AOAH: variants seen among roughly 807,000 people sequenced by gnomAD.
The protein encoded by AOAH is acyloxyacyl hydrolase (neutrophil).
Under a neutral mutation model 92.2 loss-of-function variants are expected in AOAH, and 64 were observed. The observed-to-expected ratio is 0.69, with a 90% CI of 0.57 to 0.86. AOAH has a LOEUF of 0.86. Ranked by LOEUF, AOAH falls within the 40% of genes least tolerant of loss-of-function variation. The pLI, the probability that AOAH is intolerant of heterozygous loss-of-function variation, is 0.00. For synonymous variants in AOAH, 263 were observed against 254.5 expected (o/e 1.03, Z -0.32); for missense variants, 656 against 694.6 (o/e 0.94, Z 0.62).
chr7:36,558,452 AG>A (rs1413928760), intron 13 of AOAH, among the ~76,000 whole-genome samples: 2 of 152,216 alleles, frequency 1.3e-5, no homozygotes, highest in African/African-American at 4.8e-5. Context: ...GACCTACTTG[AG>A]GAGGCAGTCT....
At chr7:36,681,890 T>C (rs895805878) in intron 2 of AOAH, among the ~76,000 whole-genome samples, 1 of 151,936 alleles carries the variant, frequency 6.6e-6, no homozygotes, top group African/African-American at 2.4e-5. Context: ...GGTATATCCA[T>C]GAACCCCAAT....
chr7:36,537,361 G>C (rs1049347149), intron 16 of AOAH, among the ~76,000 whole-genome samples: 37 of 151,886 alleles, frequency 2.4e-4, no homozygotes, highest in Admixed American at 1.9e-3. Flanking sequence ...GTCCACTTGA[G>C]AAGGACAAGG....
intron 1 of AOAH, among the ~76,000 whole-genome samples, chr7:36,711,748 T>C (rs555183484): frequency 7.9e-4 from 121 of 152,224 alleles, no homozygotes; most frequent in Middle Eastern, 6.8e-3. Flanking sequence ...GCCTGGCCCA[T>C]GAGGGTGGAA....
At chr7:36,627,948 G>A (rs1792791598) in intron 6 of AOAH, among the ~76,000 whole-genome samples, 3 of 152,136 alleles carry the variant, frequency 2.0e-5, no homozygotes, top group South Asian at 4.2e-4. Flanking sequence ...TGGTGAGAAT[G>A]AATCTCCATG....
At chr7:36,705,602 T>C (rs983298829) in intron 1 of AOAH, among the ~76,000 whole-genome samples, 3 of 152,018 alleles carry the variant, frequency 2.0e-5, no homozygotes, top group Non-Finnish European at 4.4e-5. Flanking sequence ...CAAGCTACCA[T>C]TGACTTTCTT....
At chr7:36,656,890 T>G (rs56055051) in intron 4 of AOAH, among the ~76,000 whole-genome samples, 1 of 149,104 alleles carries the variant, frequency 6.7e-6, no homozygotes. Flanking sequence ...TGGGGGGTGT[T>G]GGCAGTACCA....
At chr7:36,625,771 G>A (rs1324236938) in intron 6 of AOAH, among the ~76,000 whole-genome samples, 2 of 152,142 alleles carry the variant, frequency 1.3e-5, no homozygotes, top group African/African-American at 4.8e-5. Context: ...GGAGCGGAGG[G>A]GAATGAAGCT....
At chr7:36,676,645 C>T (rs1394445442) in intron 2 of AOAH, among the ~76,000 whole-genome samples, 1 of 152,092 alleles carries the variant, frequency 6.6e-6, no homozygotes, top group Admixed American at 6.5e-5. Flanking sequence ...ACTCAGAACA[C>T]CAAAACAATA....
At position 36,570,268 on chromosome 7, in the gene AOAH, G is replaced by A. The variant is rs189287591; in HGVS notation, c.1021+6306C>T. Reference sequence around the variant, plus strand: ...ATGTAAGTGGAATCCGGCAGTATTCGTCCTTCTGTGACTGGCTTATTTCAC... The same window carrying A: ...ATGTAAGTGGAATCCGGCAGTATTCATCCTTCTGTGACTGGCTTATTTCAC... On this transcript the variant is annotated intron_variant, in intron 13 of 20. Transcript: ENST00000617537. Among the ~76,000 whole-genome samples the A allele has an allele frequency of 1.5e-3, 222 of 152,234 alleles. 1 individual carries two copies. Among genetic ancestry groups the A allele is most frequent in the African/African-American group, 4.9e-3 (205 of 41,546 alleles).
At chr7:36,619,172 C>G (rs190427946) in intron 9 of AOAH, among the ~76,000 whole-genome samples, 1 of 152,172 alleles carries the variant, frequency 6.6e-6, no homozygotes, top group Non-Finnish European at 1.5e-5. Context: ...CATGAAAGAA[C>G]CTATTAACAT....
At chr7:36,634,255 A>G (rs1793360551) in intron 5 of AOAH, among the ~76,000 whole-genome samples, 1 of 152,194 alleles carries the variant, frequency 6.6e-6, no homozygotes, top group East Asian at 1.9e-4. Context: ...TCGAAGGCAG[A>G]AATGAAATCC....
At chr7:36,513,495 C>T (rs960061487) in intron 20 of AOAH, 115 bp from the exon 21 acceptor site, 1 of 991,812 alleles carries the variant, frequency 1.0e-6, no homozygotes, top group Admixed American at 2.4e-5. Context: ...CCCATGACTC[C>T]CACCCCCATG....
intron 13 of AOAH, among the ~76,000 whole-genome samples, chr7:36,554,302 G>A (rs1295568061): frequency 8.5e-5 from 13 of 152,078 alleles, no homozygotes; most frequent in Admixed American, 3.3e-4. Context: ...GTAGATATGC[G>A]GTGTTATTTC....
At chr7:36,695,628 C>T (rs947505471) in intron 1 of AOAH, among the ~76,000 whole-genome samples, 1 of 152,130 alleles carries the variant, frequency 6.6e-6, no homozygotes, top group South Asian at 2.1e-4. Context: ...TTATATTCTC[C>T]TAAGTGCCAC....
intron 1 of AOAH, among the ~76,000 whole-genome samples, chr7:36,692,232 G>A (rs1562702532): frequency 6.6e-6 from 1 of 152,148 alleles, no homozygotes; most frequent in Non-Finnish European, 1.5e-5. Context: ...GCAAACATTA[G>A]TTCCTCTCCC....
chr7:36,666,496 C>T (rs2116591578), intron 3 of AOAH, among the ~76,000 whole-genome samples: 1 of 152,028 alleles, frequency 6.6e-6, no homozygotes, highest in Non-Finnish European at 1.5e-5. Flanking sequence ...AAAAATCTAG[C>T]TTTTGGTTTA....
chr7:36,527,850 C>A (rs559520050), intron 19 of AOAH, among the ~76,000 whole-genome samples: 1 of 152,202 alleles, frequency 6.6e-6, no homozygotes, highest in Non-Finnish European at 1.5e-5. Context: ...TGCCCAGGCA[C>A]GGGTGGTTAC....
Position 36,664,940 on chromosome 7 carries a change from C to T in AOAH, c.291-5675G>A, listed in dbSNP as rs73344037. ...AAAGTACCACACTCTTTTCAACAAA[C>T]AAATCTCATGTGAACTCAGAGCACG... On this transcript the variant is annotated intron_variant, in intron 3 of 20. Transcript: ENST00000617537. Among the ~76,000 whole-genome samples, 1,222 of 152,264 alleles carry T rather than the reference C, an allele frequency of 8.0e-3. 17 individuals carry two copies. Among genetic ancestry groups the T allele is most frequent in the African/African-American group, 0.028 (1,162 of 41,536 alleles).
chr7:36,650,650 A>T (rs1057471560), intron 4 of AOAH, among the ~76,000 whole-genome samples: 1 of 152,224 alleles, frequency 6.6e-6, no homozygotes, highest in Non-Finnish European at 1.5e-5. Context: ...ACTGCTTCAC[A>T]TTCTCAAAGA....
Sources: allele counts gnomAD v4.1 joint callset (sites outside exome capture counted in the v4.1 genomes callset), GRCh38; gene constraint gnomAD v4.1.1; transcripts MANE v1.5; gene names NCBI Gene and HGNC (gene_info 2026-07-23, HGNC 2026-07-21).